ZNF473: variants seen among roughly 807,000 people sequenced by gnomAD.
The protein encoded by ZNF473 is zinc finger protein 100 homolog.
In ZNF473, 4 loss-of-function variants were observed where a neutral mutation model predicts 11.1. The observed-to-expected ratio is 0.36, with a 90% confidence interval of 0.18 to 0.82. The LOEUF (loss-of-function observed/expected upper bound fraction) is 0.82. ZNF473 is among the 40% of genes least tolerant of loss of function. ZNF473 has a pLI of 0.49. For synonymous variants in ZNF473, 404 were observed against 390.4 expected (o/e 1.03, Z -0.41); for missense variants, 854 against 1,084.0 (o/e 0.79, Z 2.98).
chr19:50,039,269 C>G lies in ZNF473; in HGVS notation c.118C>G (p.Gln40Glu), dbSNP rs567591469. The G allele has an allele frequency of 6.2e-7, 1 of 1,614,094 alleles. No homozygotes were observed. Among genetic ancestry groups the G allele is most frequent in the Admixed American group, 1.7e-5 (1 of 60,020 alleles). Residue 40 changes from glutamine to glutamate, a missense_variant, in exon 3 of 5, where the codon CAG (glutamine) becomes GAG (glutamate). Gln to Glu is a conservative substitution (Grantham distance 29, BLOSUM62 2). Around this residue, in one of 2 missense-constraint regions of ZNF473, gnomAD observed 668 missense variants for 790.2 expected, o/e 0.85. Coordinates refer to ENST00000270617, the MANE Select transcript of ZNF473 (RefSeq NM_015428.4). This position sits in a 1 kb window ranked among gnomAD's most constrained non-coding sequence, Gnocchi z 4.8. The part of the protein sequence containing the change: ...TFWDTALDNC[Q>E]DLFLLDPPRP... The stretch of plus-strand genomic sequence containing the variant: ...CTGGGACACAGCGTTGGACAATTGC[C>G]AGGACCTCTTCCTGCTGGGTGAGTG...
intron 1 of ZNF473, among the ~76,000 whole-genome samples, chr19:50,030,468 A>T (rs2077311864): frequency 6.6e-6 from 1 of 152,288 alleles, no homozygotes; most frequent in South Asian, 2.1e-4. Flanking sequence ...TGATTGTGCC[A>T]CTGTAGTACT....
chr19:50,029,048 C>A (rs2077302806), intron 1 of ZNF473, among the ~76,000 whole-genome samples: 1 of 152,182 alleles, frequency 6.6e-6, no homozygotes, highest in Non-Finnish European at 1.5e-5. Context: ...TTAAATTATT[C>A]TACCTAGAAT....
intron 3 of ZNF473, among the ~76,000 whole-genome samples, chr19:50,040,157 C>T (rs1302463703): frequency 6.6e-6 from 1 of 152,164 alleles, no homozygotes; most frequent in Admixed American, 6.5e-5. Context: ...CTATGACTTA[C>T]TACAGTGAAA....
Position 50,044,575 on chromosome 19 carries a change from A to G in ZNF473, c.227-95A>G. The G allele has an allele frequency of 8.6e-6, 9 of 1,049,038 alleles. 1 individual carries two copies. Among genetic ancestry groups the G allele is most frequent in the Non-Finnish European group, 1.3e-5 (9 of 712,322 alleles). The allele number at this position is 1,049,038 out of a possible 1,614,324, so 65.0% of individuals were successfully genotyped here. A position where few individuals can be genotyped will look rare whatever the true frequency, so the allele number is the denominator to read the frequency against. On this transcript the variant is annotated intron_variant, in intron 4 of 4. Coordinates refer to ENST00000270617, the MANE Select transcript of ZNF473 (RefSeq NM_015428.4). ...ATGGGTCACCCCTTTGGGTCCCTTG[A>G]TGGATAGGCTGGACTCAAGATCTAT... is the stretch of plus-strand genomic sequence containing the variant.
chr19:50,041,551 G>T, intron 3 of ZNF473, 179 bp from the exon 4 acceptor site: 1 of 442,378 alleles, frequency 2.3e-6, no homozygotes, highest in East Asian at 3.8e-5. Context: ...TCCATCACTG[G>T]ACTGGGAACC....
chr19:50,042,461 C>T (rs1978828178), intron 4 of ZNF473: 1 of 152,318 alleles, frequency 6.6e-6, no homozygotes, highest in Non-Finnish European at 1.5e-5. Flanking sequence ...CAGCTCCCTT[C>T]TTGGCTCACC....
intron 1 of ZNF473, among the ~76,000 whole-genome samples, chr19:50,027,135 C>T (rs1265164029): frequency 6.6e-6 from 1 of 152,088 alleles, no homozygotes; most frequent in East Asian, 1.9e-4. Context: ...TTTTAGAAAG[C>T]TAATAGGGTG....
intron 1 of ZNF473, among the ~76,000 whole-genome samples, chr19:50,026,686 G>C (rs8112214): frequency 0.052 from 7,954 of 151,660 alleles, 688 homozygotes; most frequent in African/African-American, 0.18. Flanking sequence ...GAAAAAAATA[G>C]AAAAATTAGC....
At position 50,045,971 on chromosome 19, in the gene ZNF473, A is replaced by G; in HGVS notation, c.1528A>G (p.Thr510Ala). 6.2e-7 allele frequency: 1 copy of G among 1,614,230 alleles called. No homozygotes were observed. Among genetic ancestry groups the G allele is most frequent in the Non-Finnish European group, 8.5e-7 (1 of 1,180,040 alleles). The part of the protein sequence containing the change: ...NRLVQHQKMH[T>A]VKTPYECQEC... Reference sequence around the variant, plus strand: ...CCTTGTGCAACACCAGAAAATGCACACTGTCAAAACCCCATATGAATGTCA... The same window carrying G: ...CCTTGTGCAACACCAGAAAATGCACGCTGTCAAAACCCCATATGAATGTCA... Residue 510 changes from threonine to alanine, a missense_variant, in exon 5 of 5, where the codon ACT (threonine) becomes GCT (alanine). Coordinates refer to ENST00000270617, the MANE Select transcript of ZNF473 (RefSeq NM_015428.4).
rs372295258 is a variant in ZNF473 at position 50,046,249 on chromosome 19, A to G, written c.1806A>G (p.Gln602=). ...ECDQCGKAFG[Q]STRLIHHQRI... ...ACCAGTGTGGGAAAGCCTTTGGCCAAAGTACTCGGCTCATTCACCATCAAA... is the reference window on the plus strand; with the variant it reads ...ACCAGTGTGGGAAAGCCTTTGGCCAGAGTACTCGGCTCATTCACCATCAAA... Residue 602 remains glutamine, a synonymous_variant, in exon 5 of 5, where the codon CAA becomes CAG. Coordinates refer to ENST00000270617, the MANE Select transcript of ZNF473 (RefSeq NM_015428.4). This position sits in a 1 kb window ranked among gnomAD's most constrained non-coding sequence, Gnocchi z 5.9. The G allele has an allele frequency of 5.1e-5, 82 of 1,613,786 alleles. No homozygotes were observed. Among genetic ancestry groups the G allele is most frequent in the Non-Finnish European group, 6.4e-5 (75 of 1,179,948 alleles).
chr19:50,029,606 A>T (rs986832195), intron 1 of ZNF473, among the ~76,000 whole-genome samples: 1 of 152,226 alleles, frequency 6.6e-6, no homozygotes. Flanking sequence ...AAATGCTTTC[A>T]GCACTCCGCA....
Position 50,041,816 on chromosome 19 carries a change from C to T in ZNF473, c.223C>T (p.Pro75Ser), listed in dbSNP as rs1192560106. Residue 75 changes from proline to serine, a missense_variant, in exon 4 of 5, where the codon CCT (proline) becomes TCT (serine). Around this residue, in one of 2 missense-constraint regions of ZNF473, gnomAD observed 668 missense variants for 790.2 expected, o/e 0.85. Coordinates refer to ENST00000270617, the MANE Select transcript of ZNF473 (RefSeq NM_015428.4). ...LAGGSPEATSPDVTETKNSPL... is the reference protein window; with the variant it reads ...LAGGSPEATSSDVTETKNSPL... ...AGGAGGAAGCCCAGAAGCAACAAGCCCTGGTGAGTGGATGGAGAGGGGCCC... is the reference window on the plus strand; with the variant it reads ...AGGAGGAAGCCCAGAAGCAACAAGCTCTGGTGAGTGGATGGAGAGGGGCCC... The T allele has an allele frequency of 9.3e-6, 15 of 1,610,380 alleles. No homozygotes were observed. Among genetic ancestry groups the T allele is most frequent in the Non-Finnish European group, 1.2e-5 (14 of 1,178,468 alleles).
chr19:50,045,275 A>G lies in ZNF473; in HGVS notation c.832A>G (p.Thr278Ala). Residue 278 changes from threonine (T) to alanine (A), a missense_variant, in exon 5 of 5, where the codon ACA becomes GCA. By Grantham distance (58) the Thr-to-Ala change is moderately conservative. Transcript: ENST00000270617. The part of the protein sequence containing the change: ...NEYGTTFSQS[T>A]YLWHQKTHTG... ...ATATGGGACAACTTTTAGTCAGAGT[A>G]CATACCTGTGGCATCAGAAAACTCA... The G allele has an allele frequency of 6.2e-7, 1 of 1,614,222 alleles. No homozygotes were observed. Among genetic ancestry groups the G allele is most frequent in the Non-Finnish European group, 8.5e-7 (1 of 1,180,038 alleles).
Position 50,045,280 on chromosome 19 carries a change from C to T in ZNF473, c.837C>T (p.Tyr279=). ...GGACAACTTTTAGTCAGAGTACATA[C>T]CTGTGGCATCAGAAAACTCACACTG... ...EYGTTFSQST[Y]LWHQKTHTGE... Residue 279 remains tyrosine, a synonymous_variant, in exon 5 of 5, where the codon TAC becomes TAT. Transcript: ENST00000270617. 2 of 1,614,136 alleles carry T rather than the reference C, an allele frequency of 1.2e-6. No individual in the cohort carries two copies. Among genetic ancestry groups the T allele is most frequent in the Non-Finnish European group, 1.7e-6 (2 of 1,180,038 alleles).
intron 2 of ZNF473, among the ~76,000 whole-genome samples, chr19:50,036,977 TC>T (rs1165428434): frequency 1.3e-5 from 2 of 152,210 alleles, no homozygotes; most frequent in African/African-American, 4.8e-5. Flanking sequence ...GATTTTGTTT[TC>T]TATAAGTTGG....
chr19:50,028,901 G>A (rs912398848), intron 1 of ZNF473, among the ~76,000 whole-genome samples: 1 of 152,134 alleles, frequency 6.6e-6, no homozygotes, highest in African/African-American at 2.4e-5. Context: ...AGTAGAATTA[G>A]CATTTATTGT....
chr19:50,041,913 A>G (rs906308775), intron 4 of ZNF473, 94 bp downstream of exon 4: 1 of 985,496 alleles, frequency 1.0e-6, no homozygotes, highest in Middle Eastern at 2.4e-4. Context: ...CTACCGAGAC[A>G]TTACAACGCT....
chr19:50,038,964 C>T (rs1342275133), intron 2 of ZNF473, among the ~76,000 whole-genome samples, 197 bp from the exon 3 acceptor site: 1 of 152,204 alleles, frequency 6.6e-6, no homozygotes, highest in Non-Finnish European at 1.5e-5. Flanking sequence ...GTCCCCTGGT[C>T]AAAGTCAAGG....
intron 3 of ZNF473, chr19:50,040,401 C>G (rs1198717406): frequency 6.6e-6 from 1 of 152,332 alleles, no homozygotes; most frequent in Admixed American, 6.5e-5. Context: ...CTGCCTGGCA[C>G]ATTCCAAAAT....
Sources: allele counts gnomAD v4.1 joint callset (sites outside exome capture counted in the v4.1 genomes callset), GRCh38; gene constraint gnomAD v4.1.1; regional missense constraint gnomAD v4.1.1; non-coding constraint Gnocchi (gnomAD v3.1); transcripts MANE v1.5; gene names NCBI Gene and HGNC (gene_info 2026-07-23, HGNC 2026-07-21).